TEX11: variants seen among roughly 807,000 people sequenced by gnomAD.
TEX11 encodes the protein testis-expressed protein 11.
A neutral mutation model predicts 84.4 loss-of-function variants in TEX11; 7 were observed. The observed-to-expected ratio is 0.08, with a 90% confidence interval of 0.05 to 0.16. TEX11 has a LOEUF of 0.16. Among genes scored for constraint, TEX11 ranks in the 10% least tolerant of loss-of-function variants. The pLI is 1.00. For synonymous variants in TEX11, 264 were observed against 222.8 expected (o/e 1.18, Z -1.64); for missense variants, 551 against 660.5 (o/e 0.83, Z 1.82).
intron 20 of TEX11, among the ~76,000 whole-genome samples, chrX:70,615,260 C>T (rs2089305694): frequency 9.0e-6 from 1 of 111,275 alleles, no homozygotes; most frequent in African/African-American, 3.3e-5. Flanking sequence ...AAAGAGAATT[C>T]AAAATAGCTG....
chrX:70,747,883 G>A (rs991587005), intron 9 of TEX11, among the ~76,000 whole-genome samples: 2 of 111,058 alleles, frequency 1.8e-5, no homozygotes, highest in African/African-American at 6.5e-5. Context: ...TTTACATTAG[G>A]TATATCTCCT....
At chrX:70,515,868 C>T in the TEX11 span, among the ~76,000 whole-genome samples, 1 of 112,428 alleles carries the variant, frequency 8.9e-6, no homozygotes, top group African/African-American at 3.2e-5. Context: ...TCTTTGATGA[C>T]CAGTGATGAT....
chrX:70,578,820 G>A (rs1168078552), intron 25 of TEX11, among the ~76,000 whole-genome samples: 1 of 93,977 alleles, frequency 1.1e-5, no homozygotes, highest in African/African-American at 4.1e-5. Context: ...GTCCAGACTG[G>A]AGTGCAATTG....
intron 9 of TEX11, among the ~76,000 whole-genome samples, chrX:70,759,325 T>A (rs1041928508): frequency 2.7e-5 from 3 of 111,472 alleles, no homozygotes; most frequent in African/African-American, 9.8e-5. Flanking sequence ...AAAAACAGAA[T>A]TTTAGACCAA....
chrX:70,858,476 T>TAA (rs1417106678), intron 5 of TEX11, among the ~76,000 whole-genome samples: 5 of 106,964 alleles, frequency 4.7e-5, no homozygotes, highest in Non-Finnish European at 9.6e-5. Flanking sequence ...AGAACTTACA[T>TAA]AACCAAATAC....
chrX:70,515,876 G>A, the TEX11 span, among the ~76,000 whole-genome samples: 2 of 112,565 alleles, frequency 1.8e-5, no homozygotes, highest in African/African-American at 6.5e-5. Context: ...GACCAGTGAT[G>A]ATGAGCATTT....
chrX:70,596,107 T>C (rs1346768149), intron 24 of TEX11, among the ~76,000 whole-genome samples: 1 of 111,519 alleles, frequency 9.0e-6, no homozygotes, highest in Non-Finnish European at 1.9e-5. Flanking sequence ...TAAACATATA[T>C]GACCTAACAA....
In TEX11 at chrX:70,740,705, T is replaced by C; in HGVS notation, c.839A>G (p.Asn280Ser). 1 of 1,181,087 alleles carries C rather than the reference T, an allele frequency of 8.5e-7. No homozygotes were observed. Among genetic ancestry groups the C allele is most frequent in the African/African-American group, 1.8e-5 (1 of 56,984 alleles). ...DKALNAVNLA[N>S]KEHLSSPGLF... ...TCAAAAATACAAGCCCCATACCTTG[T>C]TTGCTAGGTTTACAGCATTGAGAGC... Residue 280 changes from asparagine to serine, a missense_variant, in exon 11 of 30, where the codon AAC (asparagine) becomes AGC (serine). Transcript: ENST00000374333.
At chrX:70,652,999 A>G (rs1346465098) in intron 16 of TEX11, among the ~76,000 whole-genome samples, 2 of 111,975 alleles carry the variant, frequency 1.8e-5, no homozygotes, top group Non-Finnish European at 3.8e-5. Flanking sequence ...ATCCACATGT[A>G]AAAAAGTAGA....
chrX:70,534,827 G>A (rs1173035858), intron 28 of TEX11, among the ~76,000 whole-genome samples: 1 of 111,802 alleles, frequency 8.9e-6, no homozygotes, highest in African/African-American at 3.2e-5. Context: ...GTGGTTTTTA[G>A]TATATTCACA....
In TEX11 at chrX:70,793,528, C is replaced by T. The variant is rs540061319; in HGVS notation, c.692+13177G>A. Among the ~76,000 whole-genome samples the T allele has an allele frequency of 3.6e-5, 4 of 111,316 alleles. No homozygotes were observed. The South Asian group carries it at 1.5e-3, about 43-fold the overall frequency. On this transcript the variant is annotated intron_variant, in intron 9 of 29. Transcript: ENST00000374333. The stretch of plus-strand genomic sequence containing the variant: ...AGTGGGTGGCACTTTCCCTCCCACC[C>T]TCACTCTCTTTCTTCTGCTTTTGCC...
chrX:70,593,524 G>C (rs2088963969), intron 24 of TEX11, among the ~76,000 whole-genome samples: 1 of 111,621 alleles, frequency 9.0e-6, no homozygotes, highest in Admixed American at 9.6e-5. Flanking sequence ...GAAAAAAGCA[G>C]GTAACAGGAA....
chrX:70,835,388 A>G (rs1371069305), intron 7 of TEX11, among the ~76,000 whole-genome samples: 1 of 112,535 alleles, frequency 8.9e-6, no homozygotes. Context: ...TATGACTAGA[A>G]ACAAATATTT....
chrX:70,756,441 G>C (rs2090868566), intron 9 of TEX11, among the ~76,000 whole-genome samples: 1 of 111,775 alleles, frequency 8.9e-6, no homozygotes, highest in Admixed American at 9.5e-5. Context: ...AGCAATATTT[G>C]CTATTCTGCA....
At chrX:70,666,124 T>C (rs140462015) in intron 16 of TEX11, among the ~76,000 whole-genome samples, 1 of 111,715 alleles carries the variant, frequency 9.0e-6, no homozygotes, top group Non-Finnish European at 1.9e-5. Flanking sequence ...GACAGTCCAA[T>C]AGATGACTAA....
At chrX:70,767,004 A>G (rs1027670442) in intron 9 of TEX11, among the ~76,000 whole-genome samples, 1 of 112,238 alleles carries the variant, frequency 8.9e-6, no homozygotes, top group African/African-American at 3.2e-5. Context: ...TCCTCAAACT[A>G]TGAAACTACT....
At chrX:70,642,192 A>G (rs1287069054) in intron 17 of TEX11, among the ~76,000 whole-genome samples, 2 of 112,028 alleles carry the variant, frequency 1.8e-5, no homozygotes, top group Non-Finnish European at 3.8e-5. Context: ...ACTCCTCAAC[A>G]CATACACTCT....
chrX:70,740,734 A>T lies in TEX11; in HGVS notation c.810T>A (p.Asp270Glu). Residue 270 changes from aspartate to glutamate, a missense_variant, in exon 11 of 30, where the codon GAT (aspartate) becomes GAA (glutamate). Transcript: ENST00000374333. ...YLDWDDTKYY[D>E]KALNAVNLAN... ...CTAGGTTTACAGCATTGAGAGCCTTATCATAATATTTGGTGTCATCCCAAT... is the reference window on the plus strand; with the variant it reads ...CTAGGTTTACAGCATTGAGAGCCTTTTCATAATATTTGGTGTCATCCCAAT... 1 of 1,201,310 alleles carries T rather than the reference A, an allele frequency of 8.3e-7. No individual in the cohort carries two copies. Among genetic ancestry groups the T allele is most frequent in the Non-Finnish European group, 1.1e-6 (1 of 889,454 alleles).
In TEX11 at chrX:70,529,821, C is replaced by G; in HGVS notation, c.2685+14G>C. On this transcript the variant is annotated intron_variant, in intron 29 of 29. Transcript: ENST00000374333. ...CTAGGTCATGTCATCTGCCCTAGCCCTCTCCCTCCTTACCTGAGTTTCATA... is the reference window on the plus strand; with the variant it reads ...CTAGGTCATGTCATCTGCCCTAGCCGTCTCCCTCCTTACCTGAGTTTCATA... The G allele has an allele frequency of 1.7e-6, 2 of 1,200,689 alleles. No homozygotes were observed. Among genetic ancestry groups the G allele is most frequent in the Non-Finnish European group, 2.2e-6 (2 of 889,851 alleles).
Sources: gnomAD v4.1 joint callset for allele counts (sites outside exome capture counted in the v4.1 genomes callset) on GRCh38, gnomAD v4.1.1 for gene constraint, MANE v1.5 for transcripts, NCBI Gene and HGNC (gene_info 2026-07-23, HGNC 2026-07-21) for gene names.